Variants in GLT1D1 observed in about 807,000 individuals in gnomAD.
The protein encoded by GLT1D1 is glycosyltransferase 1 domain containing 1.
A neutral mutation model predicts 28.7 loss-of-function variants in GLT1D1; 21 were observed. The observed-to-expected ratio is 0.73, with a 90% CI of 0.52 to 1.05. GLT1D1 has a LOEUF of 1.05. Ranked by LOEUF, GLT1D1 falls within the 50% of genes least tolerant of loss-of-function variation. The pLI, the probability that GLT1D1 is intolerant of heterozygous loss-of-function variation, is 0.00. For missense variants in GLT1D1, 343 were observed against 330.6 expected (o/e 1.04, Z -0.29); for synonymous variants, 147 against 124.8 (o/e 1.18, Z -1.19).
chr12:128,875,944 C>T lies in GLT1D1; in HGVS notation c.99C>T (p.Cys33=). Residue 33 remains cysteine, a synonymous_variant, in exon 2 of 8, where the codon TGC becomes TGT. Transcript: ENST00000281703. ...ATCTAGAGGCTGCAGGGCACGTGTG[C>T]GTTTTGAAGGATGCCTTTGACTTTG... 3 of 1,614,008 alleles carry T rather than the reference C, an allele frequency of 1.9e-6. No individual in the cohort carries two copies. Among genetic ancestry groups the T allele is most frequent in the Non-Finnish European group, 2.5e-6 (3 of 1,179,936 alleles).
intron 2 of GLT1D1, among the ~76,000 whole-genome samples, chr12:128,881,238 A>C (rs1002494584): frequency 1.5e-4 from 22 of 148,574 alleles, no homozygotes; most frequent in African/African-American, 4.5e-4. Flanking sequence ...AAAAAAAAAA[A>C]AAAAAACTAT....
At chr12:128,911,965 G>T (rs1225650003) in intron 4 of GLT1D1, among the ~76,000 whole-genome samples, 1 of 151,914 alleles carries the variant, frequency 6.6e-6, no homozygotes, top group Non-Finnish European at 1.5e-5. Flanking sequence ...TTCTCCTCCT[G>T]CTCCTTTCTT....
At chr12:128,866,008 A>G (rs1398731559) in intron 1 of GLT1D1, among the ~76,000 whole-genome samples, 1 of 151,722 alleles carries the variant, frequency 6.6e-6, no homozygotes, top group African/African-American at 2.4e-5. Context: ...GCCATTTTAT[A>G]TCTGGGACTT....
chr12:128,973,878 TGTGTGTGTAGGGG>T (rs1467103122), intron 7 of GLT1D1, among the ~76,000 whole-genome samples: 2 of 132,918 alleles, frequency 1.5e-5, no homozygotes, highest in Non-Finnish European at 3.4e-5. Context: ...GTTTCCCGTG[TGTGTGTGTAGGGG>T]GTGTGTGTGT....
intron 4 of GLT1D1, among the ~76,000 whole-genome samples, chr12:128,935,358 A>G (rs1874438991): frequency 6.6e-6 from 1 of 152,076 alleles, no homozygotes; most frequent in Non-Finnish European, 1.5e-5. Context: ...GCTGGCCAAC[A>G]TGGTGAAAAC....
At chr12:128,959,721 C>G (rs2135520065) in intron 7 of GLT1D1, among the ~76,000 whole-genome samples, 2 of 152,176 alleles carry the variant, frequency 1.3e-5, no homozygotes, top group Admixed American at 1.3e-4. Context: ...GTTGATTCTC[C>G]AAACAAAGGC....
intron 3 of GLT1D1, among the ~76,000 whole-genome samples, chr12:128,894,782 G>A (rs778366944): frequency 5.3e-5 from 8 of 151,942 alleles, no homozygotes; most frequent in Non-Finnish European, 1.2e-4. Context: ...CCCAGGAGGC[G>A]GAGGTTACAG....
chr12:128,868,866 G>A (rs1480278776), intron 1 of GLT1D1, among the ~76,000 whole-genome samples: 1 of 152,080 alleles, frequency 6.6e-6, no homozygotes. Flanking sequence ...GATCTATTTT[G>A]TTTGTTTTCT....
At chr12:128,882,337 G>T (rs1342863610) in intron 2 of GLT1D1, among the ~76,000 whole-genome samples, 1 of 149,320 alleles carries the variant, frequency 6.7e-6, no homozygotes, top group African/African-American at 2.5e-5. Flanking sequence ...GAGTACAATG[G>T]TGAGATCTTG....
chr12:128,945,283 T>C, intron 4 of GLT1D1, 43 bp from the exon 9 acceptor site: 2 of 1,601,794 alleles, frequency 1.2e-6, no homozygotes, highest in Non-Finnish European at 8.6e-7. Context: ...GCAGCGCCAC[T>C]AGCAGGCGGC....
chr12:128,923,590 C>G (rs1049379595), intron 4 of GLT1D1, among the ~76,000 whole-genome samples: 3 of 151,734 alleles, frequency 2.0e-5, no homozygotes, highest in Admixed American at 2.0e-4. Flanking sequence ...TGCACCATCT[C>G]TGCTTACTGC....
chr12:128,891,819 G>T (rs752411269), intron 3 of GLT1D1, among the ~76,000 whole-genome samples: 2 of 152,146 alleles, frequency 1.3e-5, no homozygotes, highest in African/African-American at 4.8e-5. Flanking sequence ...CCTGAGACAG[G>T]TCTCAGTTAC....
chr12:128,860,338 G>T (rs1956325210), intron 1 of GLT1D1, among the ~76,000 whole-genome samples: 1 of 152,190 alleles, frequency 6.6e-6, no homozygotes, highest in African/African-American at 2.4e-5. Flanking sequence ...GCTGGCACCT[G>T]TAGTCCCAGC....
chr12:128,885,060 A>G (rs1226561513), intron 2 of GLT1D1, among the ~76,000 whole-genome samples: 1 of 151,104 alleles, frequency 6.6e-6, no homozygotes, highest in Non-Finnish European at 1.5e-5. Flanking sequence ...TGGCCTAATT[A>G]GCTTGATTTA....
At chr12:128,980,083 C>T (rs1209773037) in intron 7 of GLT1D1, among the ~76,000 whole-genome samples, 1 of 152,242 alleles carries the variant, frequency 6.6e-6, no homozygotes, top group African/African-American at 2.4e-5. Context: ...CACGGCCTGG[C>T]AACATAGGGT....
intron 4 of GLT1D1, among the ~76,000 whole-genome samples, chr12:128,904,135 T>A (rs1435854634): frequency 6.6e-6 from 1 of 151,756 alleles, no homozygotes; most frequent in Non-Finnish European, 1.5e-5. Context: ...AATTCTTATT[T>A]ACTCTACTTC....
chr12:128,890,516 A>C (rs1313984990), intron 3 of GLT1D1, among the ~76,000 whole-genome samples: 2 of 152,196 alleles, frequency 1.3e-5, no homozygotes, highest in South Asian at 4.1e-4. Flanking sequence ...GGGCACGGTG[A>C]CTCAGGCCTG....
At chr12:128,929,825 A>T (rs769686199) in intron 4 of GLT1D1, among the ~76,000 whole-genome samples, 2 of 152,032 alleles carry the variant, frequency 1.3e-5, no homozygotes, top group Non-Finnish European at 2.9e-5. Flanking sequence ...AAAATATAAA[A>T]ATTAGCCAGG....
At chr12:128,933,380 A>T (rs1874157424) in intron 4 of GLT1D1, among the ~76,000 whole-genome samples, 1 of 152,258 alleles carries the variant, frequency 6.6e-6, no homozygotes, top group Admixed American at 6.5e-5. Context: ...CTATTGAACA[A>T]TACGCTTTCT....
Sources: gnomAD v4.1 joint callset for allele counts (sites outside exome capture counted in the v4.1 genomes callset) on GRCh38, gnomAD v4.1.1 for gene constraint, MANE v1.5 for transcripts, NCBI Gene and HGNC (gene_info 2026-07-23, HGNC 2026-07-21) for gene names.